Variants in NID2 observed in about 807,000 individuals in gnomAD.
NID2 encodes nidogen-2.
NID2 carries 83 observed loss-of-function variants against 145.4 expected under a neutral mutation model. That is an observed-to-expected ratio of 0.57 (90% confidence interval 0.48 to 0.69). The LOEUF is 0.69. NID2 is among the 30% of genes least tolerant of loss of function. NID2 has a pLI of 0.00. For synonymous variants in NID2, 739 were observed against 701.3 expected (o/e 1.05, Z -0.85); for missense variants, 1,807 against 1,765.7 (o/e 1.02, Z -0.42).
chr14:52,005,808 GTAAAC>G lies in NID2; in HGVS notation c.4041_4045del (p.Gln1347HisfsTer2). On this transcript the variant is annotated frameshift_variant, in exon 21 of 22. Coordinates refer to ENST00000216286, the MANE Select transcript of NID2 (RefSeq NM_007361.4). LOFTEE classifies it high-confidence loss of function. ...TCGTTGTTCTGGGAGATACTCATCA[GTAAAC>G]TGGCCACTATGTTTATTTACTGATA... 6.2e-7 allele frequency: 1 copy of G among 1,613,812 alleles called. No homozygotes were observed. Among genetic ancestry groups the G allele is most frequent in the Non-Finnish European group, 8.5e-7 (1 of 1,179,706 alleles).
Position 52,007,964 on chromosome 14 carries a change from G to C in NID2, c.3726C>G (p.Asn1242Lys), listed in dbSNP as rs1890855804. The change falls in exon 19 of 22, where the codon AAC (asparagine) becomes AAG (lysine). Residue 1242 changes from asparagine (N) to lysine (K), a missense_variant. By Grantham distance (94) the Asn-to-Lys change is moderately conservative (BLOSUM62 0). Coordinates refer to ENST00000216286, the MANE Select transcript of NID2 (RefSeq NM_007361.4). ...RAIAVDPIRGNLYWTDWNREA... is the reference protein window; with the variant it reads ...RAIAVDPIRGKLYWTDWNREA... Reference sequence around the variant, plus strand: ...CTCTATTCCAGTCTGTCCAGTACAAGTTGCTGTAAGTTAAAAATCAAGATT... The same window carrying C: ...CTCTATTCCAGTCTGTCCAGTACAACTTGCTGTAAGTTAAAAATCAAGATT... The C allele has an allele frequency of 1.3e-6, 2 of 1,593,604 alleles. No individual in the cohort carries two copies. Among genetic ancestry groups the C allele is most frequent in the East Asian group, 4.5e-5 (2 of 44,696 alleles).
chr14:52,060,361 G>GTGT lies in NID2; in HGVS notation c.535-6_535-5insACA. On this transcript the variant is annotated splice_region_variant and splice_polypyrimidine_tract_variant and intron_variant, in intron 2 of 21. Coordinates refer to ENST00000216286, the MANE Select transcript of NID2 (RefSeq NM_007361.4). ...AACTGCCTGGAAAGTGTTCAGCTGT[G>GTGT]AGGAAAAAAAAAAAAAAAGAGAGAG... is the stretch of plus-strand genomic sequence containing the variant. 9.1e-7 allele frequency: 1 copy of GTGT among 1,102,342 alleles called. No homozygotes were observed. The highest frequency in any genetic ancestry group is 1.2e-6 in the Non-Finnish European group (1 of 838,080). The allele number at this position is 1,102,342 out of a possible 1,614,324, so 68.3% of individuals were successfully genotyped here. A position where few individuals can be genotyped will look rare whatever the true frequency, so the allele number is the denominator to read the frequency against.
Position 52,028,801 on chromosome 14 carries a change from T to C in NID2, c.2451A>G (p.Val817=). ...TGTAGCTTCCAGGCAAGTTGATACA[T>C]ACAGAGTTGGGGCCACAGCGATGAA... ...TGFHRCGPNS[V]CINLPGSYRC... Residue 817 remains valine (V), a synonymous_variant, in exon 11 of 22, where the codon GTA becomes GTG. Coordinates refer to ENST00000216286, the MANE Select transcript of NID2 (RefSeq NM_007361.4). The C allele has an allele frequency of 7.4e-6, 12 of 1,614,126 alleles. No homozygotes were observed. The highest frequency in any genetic ancestry group is 1.0e-5 in the Non-Finnish European group (12 of 1,180,018).
At chr14:52,014,827 A>T (rs1205352404) in intron 15 of NID2, among the ~76,000 whole-genome samples, 1 of 152,120 alleles carries the variant, frequency 6.6e-6, no homozygotes, top group African/African-American at 2.4e-5. Flanking sequence ...TGCCTGCTGA[A>T]CCGAGTTGCA....
chr14:52,022,373 G>C (rs1891431939), intron 12 of NID2, among the ~76,000 whole-genome samples: 1 of 152,194 alleles, frequency 6.6e-6, no homozygotes. Context: ...GAGACTCCCT[G>C]AATTCGCAGT....
At chr14:52,053,993 G>T in intron 4 of NID2, 27 bp downstream of exon 4, 1 of 1,611,166 alleles carries the variant, frequency 6.2e-7, no homozygotes, top group East Asian at 2.2e-5. Flanking sequence ...GGGGAGGACA[G>T]ATCAGAATCT....
At chr14:52,041,474 AG>A (rs1466394258) in intron 7 of NID2, among the ~76,000 whole-genome samples, 1 of 152,236 alleles carries the variant, frequency 6.6e-6, no homozygotes, top group Non-Finnish European at 1.5e-5. Context: ...CTAGCAAACA[AG>A]TTTTCAGGTT....
intron 2 of NID2, among the ~76,000 whole-genome samples, chr14:52,066,486 T>C (rs928193924): frequency 6.6e-6 from 1 of 152,134 alleles, no homozygotes; most frequent in African/African-American, 2.4e-5. Context: ...GGATAAATGC[T>C]TGGGGGGATG....
At chr14:52,041,795 A>G (rs1356714696) in intron 7 of NID2, among the ~76,000 whole-genome samples, 1 of 152,256 alleles carries the variant, frequency 6.6e-6, no homozygotes, top group Non-Finnish European at 1.5e-5. Flanking sequence ...AGATCTGTGC[A>G]TAATTTAAAA....
In NID2 at chr14:52,005,842, C is replaced by T. The variant is rs2140336621; in HGVS notation, c.4012G>A (p.Val1338Ile). ...CCACTATGTTTATTTACTGATACAA[C>T]ACCATCCCTGGTAACAGAAAGGAAG... ...FYHTDWRRDG[V>I]VSVNKHSGQF... Residue 1338 changes from valine to isoleucine, a missense_variant, in exon 21 of 22, where the codon GTT (valine) becomes ATT (isoleucine). Transcript: ENST00000216286. 1.2e-6 allele frequency: 2 copies of T among 1,606,374 alleles called. No homozygotes were observed. The highest frequency in any genetic ancestry group is 2.2e-5 in the East Asian group (1 of 44,864).
intron 5 of NID2, among the ~76,000 whole-genome samples, chr14:52,047,411 C>A (rs549848246): frequency 5.2e-4 from 79 of 151,890 alleles, no homozygotes; most frequent in Non-Finnish European, 1.0e-3. Context: ...GGTGTGTGGG[C>A]ATGTGGGAGG....
rs761688269 is a variant in NID2, at chr14:52,028,853, A to G, written c.2402-3T>C. On this transcript the variant is annotated splice_polypyrimidine_tract_variant and splice_region_variant and intron_variant, in intron 10 of 21. Coordinates refer to ENST00000216286, the MANE Select transcript of NID2 (RefSeq NM_007361.4). ...GCCAGTTGCACATTCATTTTCATCT[A>G]AGAAGAAATGAGAAGAGAAAAATTC... 7 of 1,613,132 alleles carry G rather than the reference A, an allele frequency of 4.3e-6. No individual in the cohort carries two copies. Among genetic ancestry groups the G allele is most frequent in the Non-Finnish European group, 5.9e-6 (7 of 1,179,672 alleles).
rs781262010 is a variant in NID2 at position 52,015,206 on chromosome 14, G to T, written c.3098C>A (p.Thr1033Asn). 1.6e-5 allele frequency: 26 copies of T among 1,613,566 alleles called. No individual in the cohort carries two copies. Among genetic ancestry groups the T allele is most frequent in the South Asian group, 8.8e-5 (8 of 91,042 alleles). ...RENLLEHYGG[T>N]PRDDQYVPQC... The stretch of plus-strand genomic sequence containing the variant: ...GGGCACGTACTGGTCATCCCGGGGG[G>T]TGCCACCGTAGTGCTCCAGCAGGTT... Residue 1033 changes from threonine (T) to asparagine (N), a missense_variant, in exon 15 of 22, where the codon ACC becomes AAC. Physicochemically the swap from Thr to Asn is moderately conservative, Grantham distance 65. Transcript: ENST00000216286.
chr14:52,068,906 G>A lies in NID2; in HGVS notation c.89C>T (p.Ala30Val). 6.2e-7 allele frequency: 1 copy of A among 1,614,014 alleles called. No individual in the cohort carries two copies. Residue 30 changes from alanine (A) to valine (V), a missense_variant, in exon 1 of 22, where the codon GCG becomes GTG. Transcript: ENST00000216286. ...LLPLLMLRAA[A>V]LHPDELFPHG... ...TGGGAAGAGCTCGTCTGGGTGCAGC[G>A]CCGCGGCCCGCAACATTAGCAACGG...
In NID2 at chr14:52,006,603, T is replaced by C. The variant is rs772915052; in HGVS notation, c.3938A>G (p.Asn1313Ser). 3 of 1,613,846 alleles carry C rather than the reference T, an allele frequency of 1.9e-6. No individual in the cohort carries two copies. The African/African-American group carries it at 4.0e-5, about 22-fold the overall frequency. Reference protein sequence around the residue: ...PDGTGRRVIQNNLKYPFSIVS... With the variant: ...PDGTGRRVIQSNLKYPFSIVS... Reference sequence around the variant, plus strand: ...GATGCTGAAGGGGTACTTGAGGTTGTTTTGAATGACACGCCGTCCAGTTCC... The same window carrying C: ...GATGCTGAAGGGGTACTTGAGGTTGCTTTGAATGACACGCCGTCCAGTTCC... The change falls in exon 20 of 22, where the codon AAC (asparagine) becomes AGC (serine). Residue 1313 changes from asparagine (N) to serine (S), a missense_variant. Asn to Ser is a conservative substitution (Grantham distance 46). Transcript: ENST00000216286.
At chr14:52,046,421 C>T (rs1209890063) in intron 5 of NID2, among the ~76,000 whole-genome samples, 4 of 151,242 alleles carry the variant, frequency 2.6e-5, no homozygotes, top group Non-Finnish European at 5.9e-5. Flanking sequence ...AAATAACAGG[C>T]TTGGATTGTA....
rs781446920 is a variant in NID2, at chr14:52,019,066, G to A, written c.3023C>T (p.Ser1008Leu). 5.0e-6 allele frequency: 8 copies of A among 1,612,958 alleles called. No individual in the cohort carries two copies. The South Asian group carries it at 8.8e-5, about 18-fold the overall frequency. The stretch of plus-strand genomic sequence containing the variant: ...AGCCCCAGGCCTAAGCTCACCTGGT[G>A]ATGGTCCACAGTGAGGCGGGGTGGA... ...PGSTPPHCGP[S>L]PEPTQRPPTI... is the part of the protein sequence containing the mutation. Residue 1008 changes from serine to leucine, a missense_variant, in exon 14 of 22, where the codon TCA becomes TTA. By Grantham distance (145) the Ser-to-Leu change is moderately radical. Coordinates refer to ENST00000216286, the MANE Select transcript of NID2 (RefSeq NM_007361.4).
At chr14:52,046,341 A>ATAAAGC (rs11471749) in intron 5 of NID2, among the ~76,000 whole-genome samples, 1 of 123,172 alleles carries the variant, frequency 8.1e-6, no homozygotes, top group Admixed American at 9.0e-5. Context: ...AAAAAAAAAA[A>ATAAAGC]AGCCGTTTTC....
At chr14:52,029,306 G>T (rs61971558) in intron 10 of NID2, among the ~76,000 whole-genome samples, 1 of 152,136 alleles carries the variant, frequency 6.6e-6, no homozygotes, top group East Asian at 1.9e-4. Context: ...TCCAGGAACT[G>T]CAACAGATGT....
Sources: gnomAD v4.1 joint callset for allele counts (sites outside exome capture counted in the v4.1 genomes callset) on GRCh38, gnomAD v4.1.1 for gene constraint, MANE v1.5 for transcripts, NCBI Gene and HGNC (gene_info 2026-07-23, HGNC 2026-07-21) for gene names.